The following PRKD3 variants were observed in gnomAD, a reference collection of about 807,000 sequenced individuals.
PRKD3 encodes the protein protein kinase D3, also known as serine/threonine-protein kinase D3.
In PRKD3, 47 loss-of-function variants were observed where a neutral mutation model predicts 99.2. The ratio of observed to expected loss-of-function variants is 0.47; its 90% confidence interval spans 0.38 to 0.60. The LOEUF is 0.60. Ranked by LOEUF, PRKD3 falls within the 20% of genes least tolerant of loss-of-function variation. The pLI, the probability that PRKD3 is intolerant of heterozygous loss-of-function variation, is 0.00. For missense variants in PRKD3, 1,019 were observed against 1,088.4 expected, an observed-to-expected ratio of 0.94 and a Z score of 0.90; for synonymous variants, 392 against 355.4, an observed-to-expected ratio of 1.10 and a Z score of -1.16.
intron 14 of PRKD3, among the ~76,000 whole-genome samples, chr2:37,261,895 A>C (rs552559157): frequency 6.6e-6 from 1 of 152,366 alleles, no homozygotes; most frequent in South Asian, 2.1e-4. Context: ...CGTATTTTGA[A>C]TACCTGCACA....
At chr2:37,320,404 A>G (rs1671829967) in intron 1 of PRKD3, among the ~76,000 whole-genome samples, 1 of 149,590 alleles carries the variant, frequency 6.7e-6, no homozygotes, top group Non-Finnish European at 1.5e-5. Context: ...TATGAATAAA[A>G]CTGTATGCAA....
At chr2:37,269,709 TTAG>T in intron 12 of PRKD3, 22 bp from the exon 13 acceptor site, 1 of 1,513,732 alleles carries the variant, frequency 6.6e-7, no homozygotes, top group Non-Finnish European at 9.1e-7. Context: ...AAGTAAGGAG[TTAG>T]TATTATTTAT....
At chr2:37,307,995 C>T (rs113369359) in intron 2 of PRKD3, among the ~76,000 whole-genome samples, 4 of 152,168 alleles carry the variant, frequency 2.6e-5, no homozygotes, top group African/African-American at 7.2e-5. Flanking sequence ...CCATGCTCTC[C>T]CCCATACTGC....
At chr2:37,282,205 T>G in intron 7 of PRKD3, 1 of 201,634 alleles carries the variant, frequency 5.0e-6, no homozygotes, top group Non-Finnish European at 1.0e-5. Flanking sequence ...GTGCCTGGTA[T>G]AGCAAGCAGT....
In PRKD3 at chr2:37,251,836, C is replaced by T. The variant is rs1277521596; in HGVS notation, c.*1341G>A. 1 of 151,490 alleles carries T rather than the reference C, an allele frequency of 6.6e-6. No homozygotes were observed. Among genetic ancestry groups the T allele is most frequent in the Admixed American group, 6.6e-5 (1 of 15,180 alleles). 9.4% of individuals were successfully genotyped at this position (151,490 alleles called of 1,614,324 possible). On this transcript the variant is annotated 3_prime_UTR_variant, in exon 19 of 19. Transcript: ENST00000234179. ...AACTAACAAGTAGTGGAGTCCAAGA[C>T]CTCAGCAAAAGTTTTGTTCTTTTAC... is the stretch of plus-strand genomic sequence containing the variant.
chr2:37,276,946 A>G (rs1669602875), intron 9 of PRKD3, among the ~76,000 whole-genome samples: 1 of 152,012 alleles, frequency 6.6e-6, no homozygotes, highest in Admixed American at 6.6e-5. Flanking sequence ...CACCTTTGAT[A>G]TACCATTAAA....
Position 37,255,416 on chromosome 2 carries a change from A to G in PRKD3, c.2414-1127T>C, listed in dbSNP as rs572816529. On this transcript the variant is annotated intron_variant, in intron 17 of 18. Transcript: ENST00000234179. ...TATGGGGCAGTTAAATAATGTTTTA[A>G]GTAGTGTACTTGTCCTTCCTATCAG... Among the ~76,000 whole-genome samples, 64 of 152,344 alleles carry G rather than the reference A, an allele frequency of 4.2e-4. 1 individual carries two copies. The highest frequency in any genetic ancestry group is 1.5e-3 in the African/African-American group (61 of 41,590).
chr2:37,276,742 C>T (rs887061376), intron 9 of PRKD3, among the ~76,000 whole-genome samples: 16 of 150,968 alleles, frequency 1.1e-4, no homozygotes, highest in Admixed American at 4.0e-4. Flanking sequence ...ATCTTTGATA[C>T]ATTTAGGTTT....
In PRKD3 at chr2:37,274,712, T is replaced by G; in HGVS notation, c.1375-15A>C. On this transcript the variant is annotated splice_polypyrimidine_tract_variant and intron_variant, in intron 10 of 18. Coordinates refer to ENST00000234179, the MANE Select transcript of PRKD3 (RefSeq NM_005813.6). ...AGTGGAATTTCCTGAAGTAAAAAAT[T>G]AAGCATTGAAAAATAAGAATAGATC... The G allele has an allele frequency of 4.4e-6, 7 of 1,604,652 alleles. No homozygotes were observed. The highest frequency in any genetic ancestry group is 5.1e-6 in the Non-Finnish European group (6 of 1,173,162).
intron 2 of PRKD3, among the ~76,000 whole-genome samples, chr2:37,296,813 C>T (rs184632434): frequency 2.8e-4 from 42 of 148,078 alleles, no homozygotes; most frequent in Admixed American, 1.9e-3. Context: ...GGCAGGAGAA[C>T]GGCGTGAACC....
chr2:37,322,975 TA>T (rs66896710), intron 1 of PRKD3, among the ~76,000 whole-genome samples: 109,522 of 151,748 alleles, frequency 0.72, 40,086 homozygotes, highest in East Asian at 0.98. Flanking sequence ...TAGAGTCTTT[TA>T]AAAAAATGAG....
chr2:37,309,234 C>CT (rs1201746679), intron 2 of PRKD3, among the ~76,000 whole-genome samples: 2 of 152,048 alleles, frequency 1.3e-5, no homozygotes, highest in Non-Finnish European at 2.9e-5. Context: ...TATTTTTAAT[C>CT]TTTTTTTCTA....
Position 37,274,423 on chromosome 2 carries a change from T to C in PRKD3, c.1649A>G (p.His550Arg). The C allele has an allele frequency of 1.2e-6, 2 of 1,614,100 alleles. No homozygotes were observed. The change falls in exon 11 of 19, where the codon CAC (histidine) becomes CGC (arginine). Residue 550 changes from histidine (H) to arginine (R), a missense_variant and splice_region_variant. His to Arg is a conservative substitution (Grantham distance 29). Around this residue, in one of 3 missense-constraint regions of PRKD3, gnomAD observed 710 missense variants for 692.7 expected, o/e 1.02. Coordinates refer to ENST00000234179, the MANE Select transcript of PRKD3 (RefSeq NM_005813.6). ...VCTSPGQGKDHKDLSTSISVS... is the reference protein window; with the variant it reads ...VCTSPGQGKDRKDLSTSISVS... ...CCATCAAGAAGTTTATTGCTTACTG[T>C]GATCTTTCCCTTGCCCTGGAGAAGT...
At chr2:37,296,899 C>CAA (rs748730644) in intron 2 of PRKD3, among the ~76,000 whole-genome samples, 2,215 of 47,468 alleles carry the variant, frequency 0.047, 58 homozygotes, top group Non-Finnish European at 0.054. Context: ...GACTCTGTCT[C>CAA]AAAAAAAAAA....
intron 17 of PRKD3, among the ~76,000 whole-genome samples, chr2:37,255,976 C>T (rs1395269734): frequency 6.6e-6 from 1 of 152,076 alleles, no homozygotes; most frequent in Non-Finnish European, 1.5e-5. Context: ...TTTGTGCACA[C>T]TTCAGCCTGG....
At position 37,254,228 on chromosome 2, in the gene PRKD3, T is replaced by C; in HGVS notation, c.2475A>G (p.Lys825=). 6.2e-7 allele frequency: 1 copy of C among 1,612,698 alleles called. No individual in the cohort carries two copies. Among genetic ancestry groups the C allele is most frequent in the Non-Finnish European group, 8.5e-7 (1 of 1,178,762 alleles). Residue 825 remains lysine (K), a synonymous_variant, in exon 18 of 19, where the codon AAA becomes AAG. Coordinates refer to ENST00000234179, the MANE Select transcript of PRKD3 (RefSeq NM_005813.6). ...CCTGTAGCCAGGGATGACTAAGAGA[T>C]TTGTCAACACTGTAACGTTTTCTCA... ...VKMRKRYSVD[K]SLSHPWLQDY...
At chr2:37,323,474 T>C (rs1299978984) in intron 1 of PRKD3, among the ~76,000 whole-genome samples, 2 of 152,080 alleles carry the variant, frequency 1.3e-5, no homozygotes, top group Non-Finnish European at 2.9e-5. Flanking sequence ...ATCCTACTTT[T>C]AGAAAATCTT....
At position 37,279,837 on chromosome 2, in the gene PRKD3, C is replaced by G. The variant is rs1165034191; in HGVS notation, c.1081G>C (p.Glu361Gln). The G allele has an allele frequency of 6.2e-7, 1 of 1,613,408 alleles. No individual in the cohort carries two copies. The change falls in exon 8 of 19, where the codon GAA (glutamate) becomes CAA (glutamine). Residue 361 changes from glutamate to glutamine, a missense_variant. This residue lies in a region of PRKD3 where 710 missense variants were observed against 692.7 expected (regional missense o/e 1.02). Transcript: ENST00000234179. The stretch of plus-strand genomic sequence containing the variant: ...TTATCTTCTGGGGGTGATGGCTCTT[C>G]TGTGTCATCCAAACCCCGACTACTA... ...SDSSRGLDDT[E>Q]EPSPPEDKMF...
chr2:37,322,992 A>C (rs1237957301), intron 1 of PRKD3, among the ~76,000 whole-genome samples: 5 of 152,088 alleles, frequency 3.3e-5, no homozygotes, highest in Admixed American at 3.3e-4. Flanking sequence ...ATGAGAACAA[A>C]ATGTCCCTTA....
Sources: allele counts gnomAD v4.1 joint callset (sites outside exome capture counted in the v4.1 genomes callset), GRCh38; gene constraint gnomAD v4.1.1; regional missense constraint gnomAD v4.1.1; transcripts MANE v1.5; gene names NCBI Gene and HGNC (gene_info 2026-07-23, HGNC 2026-07-21).